Variants in DLGAP2 observed in about 807,000 individuals in gnomAD.
The protein encoded by DLGAP2 is DLG associated protein 2, also known as disks large-associated protein 2.
A neutral mutation model predicts 100.3 loss-of-function variants in DLGAP2; 26 were observed. That is an observed-to-expected ratio of 0.26 (90% CI 0.19 to 0.36). The LOEUF (loss-of-function observed/expected upper bound fraction) is 0.36. DLGAP2 is among the 10% of genes least tolerant of loss of function. The pLI is 1.00. For synonymous variants in DLGAP2, 886 were observed against 630.1 expected (o/e 1.41, Z -6.08); for missense variants, 1,858 against 1,453.2 (o/e 1.28, Z -4.53).
At chr8:1,587,579 C>G (rs1796159253) in intron 6 of DLGAP2, among the ~76,000 whole-genome samples, 1 of 152,152 alleles carries the variant, frequency 6.6e-6, no homozygotes, top group Non-Finnish European at 1.5e-5. Context: ...ATAGATGATG[C>G]TTTTATAGTC....
intron 3 of DLGAP2, among the ~76,000 whole-genome samples, chr8:1,444,511 T>C (rs1035709443): frequency 4.6e-5 from 7 of 152,198 alleles, no homozygotes; most frequent in African/African-American, 1.7e-4. Context: ...TCTTTGCATT[T>C]CTTATGGAAT....
intron 3 of DLGAP2, among the ~76,000 whole-genome samples, chr8:1,456,280 A>T (rs4875861): frequency 6.6e-6 from 1 of 152,084 alleles, no homozygotes; most frequent in South Asian, 2.1e-4. Context: ...TGTGGGTTAC[A>T]GAATGTTTCT....
At chr8:850,517 CTTCTT>C (rs1375545735) in intron 1 of DLGAP2, among the ~76,000 whole-genome samples, 18 of 152,156 alleles carry the variant, frequency 1.2e-4, no homozygotes, top group Middle Eastern at 3.2e-3. Flanking sequence ...TAGGGAAACA[CTTCTT>C]TTCACAATTT....
At chr8:1,213,810 C>T (rs1272624602) in intron 2 of DLGAP2, among the ~76,000 whole-genome samples, 1 of 152,194 alleles carries the variant, frequency 6.6e-6, no homozygotes, top group Non-Finnish European at 1.5e-5. Context: ...TTGTGCTCAG[C>T]CACCGCTGCC....
chr8:1,536,218 A>AAGCCATCTGAAC (rs1025754394), intron 4 of DLGAP2, among the ~76,000 whole-genome samples: 2 of 152,130 alleles, frequency 1.3e-5, no homozygotes, highest in Non-Finnish European at 2.9e-5. Context: ...GGGCACCTAC[A>AAGCCATCTGAAC]AGCCATCTGA....
At chr8:1,514,427 A>G (rs1800289392) in intron 4 of DLGAP2, among the ~76,000 whole-genome samples, 1 of 152,250 alleles carries the variant, frequency 6.6e-6, no homozygotes, top group Admixed American at 6.5e-5. Flanking sequence ...TTAAAACTTA[A>G]TGAAATTGTA....
At chr8:1,415,308 A>AT (rs1189772387) in intron 3 of DLGAP2, among the ~76,000 whole-genome samples, 7 of 151,288 alleles carry the variant, frequency 4.6e-5, no homozygotes, top group South Asian at 2.1e-4. Context: ...TTAAAGGCTA[A>AT]TTTTTTTTTC....
At chr8:1,299,200 C>CTG (rs1800268904) in intron 3 of DLGAP2, among the ~76,000 whole-genome samples, 1 of 152,224 alleles carries the variant, frequency 6.6e-6, no homozygotes, top group African/African-American at 2.4e-5. Flanking sequence ...GTGGTGGGTA[C>CTG]TGTGCAGGGC....
At chr8:1,623,378 C>T (rs185252185) in intron 6 of DLGAP2, among the ~76,000 whole-genome samples, 34 of 149,730 alleles carry the variant, frequency 2.3e-4, no homozygotes, top group African/African-American at 8.4e-4. Flanking sequence ...GGAACCAGTG[C>T]GTGATGACCT....
Position 1,593,590 on chromosome 8 carries a change from T to C in DLGAP2, c.1442+27696T>C, listed in dbSNP as rs183992698. 6.6e-5 allele frequency among the ~76,000 whole-genome samples: 10 copies of C among 152,308 alleles called. No individual in the cohort carries two copies. In the East Asian group the frequency reaches 1.9e-3, roughly 29 times the overall value. On this transcript the variant is annotated intron_variant, in intron 6 of 14. Coordinates refer to ENST00000637795, the MANE Select transcript of DLGAP2 (RefSeq NM_001346810.2). ...GAGATTCTCTCAAGAATTCCTACCC[T>C]GGCACAGCACCCTACAATCAGGAAG...
intron 2 of DLGAP2, among the ~76,000 whole-genome samples, chr8:1,220,289 A>G (rs942124308): frequency 6.6e-6 from 1 of 152,144 alleles, no homozygotes; most frequent in Non-Finnish European, 1.5e-5. Context: ...CTGTGACCCA[A>G]AGATTGTGGC....
chr8:1,701,109 G>C, intron 14 of DLGAP2, 79 bp from the exon 15 acceptor site: 2 of 1,357,922 alleles, frequency 1.5e-6, no homozygotes, highest in South Asian at 1.4e-5. Context: ...GTCAGGCCAG[G>C]CCCCAGGGCC....
intron 12 of DLGAP2, among the ~76,000 whole-genome samples, chr8:1,681,244 C>T (rs1212387165): frequency 6.6e-6 from 1 of 152,148 alleles, no homozygotes. Context: ...AACACAGAGA[C>T]TACTTCTCCT....
At chr8:1,260,627 A>T (rs1222718478) in intron 3 of DLGAP2, among the ~76,000 whole-genome samples, 1 of 145,830 alleles carries the variant, frequency 6.9e-6, no homozygotes, top group Non-Finnish European at 1.5e-5. Flanking sequence ...GACATAAAAG[A>T]AGAGTTTTTT....
intron 2 of DLGAP2, among the ~76,000 whole-genome samples, chr8:1,078,624 C>A (rs1361473747): frequency 1.3e-5 from 2 of 152,150 alleles, no homozygotes; most frequent in Non-Finnish European, 2.9e-5. Context: ...ATAGTTTTTT[C>A]TTTTCCAGAA....
At chr8:1,495,834 G>A (rs141827955) in intron 3 of DLGAP2, among the ~76,000 whole-genome samples, 3 of 152,176 alleles carry the variant, frequency 2.0e-5, no homozygotes, top group East Asian at 1.9e-4. Context: ...CGGACTCAGC[G>A]CATCTCTATG....
chr8:803,005 A>G (rs542304683), intron 1 of DLGAP2, among the ~76,000 whole-genome samples: 1 of 152,324 alleles, frequency 6.6e-6, no homozygotes, highest in South Asian at 2.1e-4. Flanking sequence ...TGGGACCTTA[A>G]ATCCTCTCTA....
At chr8:1,065,115 C>G (rs1435613943) in intron 2 of DLGAP2, among the ~76,000 whole-genome samples, 1 of 152,180 alleles carries the variant, frequency 6.6e-6, no homozygotes, top group Non-Finnish European at 1.5e-5. Flanking sequence ...GGGCGCCTGC[C>G]TTTATTCACT....
chr8:1,604,544 A>G (rs1796731811), intron 6 of DLGAP2: 1 of 152,284 alleles, frequency 6.6e-6, no homozygotes, highest in African/African-American at 2.4e-5. Context: ...ACATGCAAGC[A>G]CTCAGGAGAT....
Sources: gnomAD v4.1 joint callset for allele counts (sites outside exome capture counted in the v4.1 genomes callset) on GRCh38, gnomAD v4.1.1 for gene constraint, MANE v1.5 for transcripts, NCBI Gene and HGNC (gene_info 2026-07-23, HGNC 2026-07-21) for gene names.